KCNQ3: variants seen among roughly 807,000 people sequenced by gnomAD.
KCNQ3 encodes the protein potassium voltage-gated channel subfamily KQT member 3.
In KCNQ3, 30 loss-of-function variants were observed where a neutral mutation model predicts 92.5. The observed-to-expected ratio is 0.32, with a 90% confidence interval of 0.24 to 0.44. The LOEUF (loss-of-function observed/expected upper bound fraction) is 0.44, where lower values mean the gene tolerates loss of function less well. KCNQ3 is among the 20% of genes least tolerant of loss of function. The pLI is 1.00. For synonymous variants in KCNQ3, 450 were observed against 468.8 expected (o/e 0.96, Z 0.52); for missense variants, 913 against 1,140.3 (o/e 0.80, Z 2.87).
chr8:132,145,077 C>T (rs1825412721), intron 9 of KCNQ3, among the ~76,000 whole-genome samples: 1 of 152,194 alleles, frequency 6.6e-6, no homozygotes, highest in South Asian at 2.1e-4. Context: ...TAATGGGGAG[C>T]ACTATTGCCA....
intron 1 of KCNQ3, among the ~76,000 whole-genome samples, chr8:132,400,075 G>C (rs1016380677): frequency 1.3e-5 from 2 of 152,204 alleles, no homozygotes; most frequent in Non-Finnish European, 2.9e-5. Flanking sequence ...AAGACACCTA[G>C]GCAGACCTGA....
chr8:132,340,267 G>C (rs1033135761), intron 1 of KCNQ3, among the ~76,000 whole-genome samples: 3 of 152,150 alleles, frequency 2.0e-5, no homozygotes, highest in Non-Finnish European at 4.4e-5. Context: ...CTGGTTGTAT[G>C]CCCAAAGGAT....
chr8:132,184,479 G>A, intron 2 of KCNQ3, 112 bp from the exon 3 acceptor site: 1 of 1,160,392 alleles, frequency 8.6e-7, no homozygotes, highest in Admixed American at 1.8e-5. Flanking sequence ...GTTGCTGGTT[G>A]TCTGGTTGGC....
intron 1 of KCNQ3, among the ~76,000 whole-genome samples, chr8:132,422,808 G>A (rs905469392): frequency 3.9e-5 from 6 of 152,198 alleles, no homozygotes; most frequent in African/African-American, 1.4e-4. Context: ...AGGAAATGAT[G>A]GATCCGTAAG....
chr8:132,325,808 C>A (rs748979714), intron 1 of KCNQ3, among the ~76,000 whole-genome samples: 4 of 152,216 alleles, frequency 2.6e-5, no homozygotes, highest in Non-Finnish European at 5.9e-5. Flanking sequence ...CATCCAGCTT[C>A]TGCTCCAAGC....
At chr8:132,259,232 A>C (rs1039781961) in intron 1 of KCNQ3, among the ~76,000 whole-genome samples, 2 of 152,122 alleles carry the variant, frequency 1.3e-5, no homozygotes, top group Non-Finnish European at 2.9e-5. Context: ...TCCATTATGA[A>C]TATAGATACA....
chr8:132,431,000 A>G (rs1313151321), intron 1 of KCNQ3, among the ~76,000 whole-genome samples: 3 of 152,124 alleles, frequency 2.0e-5, no homozygotes, highest in Admixed American at 2.0e-4. Context: ...TCCCAAGAAT[A>G]CGCTGGACAA....
intron 9 of KCNQ3, among the ~76,000 whole-genome samples, chr8:132,154,490 G>GGGA (rs1423231135): frequency 6.6e-6 from 1 of 152,098 alleles, no homozygotes; most frequent in Non-Finnish European, 1.5e-5. Context: ...ACAGGAAGCA[G>GGGA]TTAAGATCTG....
At chr8:132,370,379 G>T (rs1348031831) in intron 1 of KCNQ3, among the ~76,000 whole-genome samples, 1 of 152,232 alleles carries the variant, frequency 6.6e-6, no homozygotes, top group Non-Finnish European at 1.5e-5. Context: ...GCAGGAACAG[G>T]TATGATTAAG....
In KCNQ3 at chr8:132,121,606, G is replaced by T. The variant is rs1160164443; in HGVS notation, c.*7656C>A. The T allele has an allele frequency of 6.6e-6, 1 of 152,112 alleles. No individual in the cohort carries two copies. The highest frequency in any genetic ancestry group is 2.4e-5 in the African/African-American group (1 of 41,426). The allele number at this position is 152,112 out of a possible 1,614,324, so 9.4% of individuals were successfully genotyped here. A position where few individuals can be genotyped will look rare whatever the true frequency, so the allele number is the denominator to read the frequency against. ...CAGGTTGGCTTCCATGGGAAACCTTGATCTTTTAATACTGAGAAAGAGAGA... is the reference window on the plus strand; with the variant it reads ...CAGGTTGGCTTCCATGGGAAACCTTTATCTTTTAATACTGAGAAAGAGAGA... On this transcript the variant is annotated 3_prime_UTR_variant, in exon 15 of 15. Coordinates refer to ENST00000388996, the MANE Select transcript of KCNQ3 (RefSeq NM_004519.4).
intron 5 of KCNQ3, 64 bp downstream of exon 5, chr8:132,175,389 C>T (rs929288953): frequency 3.2e-6 from 5 of 1,569,846 alleles, no homozygotes; most frequent in Non-Finnish European, 4.4e-6. Context: ...ATGTGATGCC[C>T]TCCACCTCTC....
intron 9 of KCNQ3, among the ~76,000 whole-genome samples, chr8:132,160,594 TTATTA>T (rs756179297): frequency 1.6e-4 from 24 of 151,762 alleles, no homozygotes; most frequent in Non-Finnish European, 2.8e-4. Context: ...AATAAGAACC[TTATTA>T]TATTTGTATA....
chr8:132,408,248 G>A (rs1032486485), intron 1 of KCNQ3, among the ~76,000 whole-genome samples: 7 of 152,124 alleles, frequency 4.6e-5, no homozygotes, highest in African/African-American at 1.7e-4. Flanking sequence ...ATATTCCATG[G>A]AGATACTTTC....
At chr8:132,398,927 G>GT (rs1563895385) in intron 1 of KCNQ3, among the ~76,000 whole-genome samples, 11 of 152,196 alleles carry the variant, frequency 7.2e-5, no homozygotes, top group Admixed American at 2.6e-4. Context: ...AGGCTGCAGT[G>GT]GTGAGCCCAG....
At chr8:132,425,383 TAAGCCTCA>T (rs2130816675) in intron 1 of KCNQ3, among the ~76,000 whole-genome samples, 1 of 152,368 alleles carries the variant, frequency 6.6e-6, no homozygotes, top group East Asian at 1.9e-4. Flanking sequence ...GTAAATTCTC[TAAGCCTCA>T]ATTTCCTCAC....
chr8:132,427,533 C>T (rs904772874), intron 1 of KCNQ3, among the ~76,000 whole-genome samples: 11 of 152,248 alleles, frequency 7.2e-5, no homozygotes, highest in Admixed American at 5.2e-4. Flanking sequence ...GGTCTGACCC[C>T]AAAGAAAGTC....
At chr8:132,280,067 G>T (rs1472704504) in intron 1 of KCNQ3, among the ~76,000 whole-genome samples, 3 of 152,158 alleles carry the variant, frequency 2.0e-5, no homozygotes, top group African/African-American at 7.2e-5. Context: ...CAATGAACAA[G>T]AAAAATCAAG....
intron 1 of KCNQ3, among the ~76,000 whole-genome samples, chr8:132,277,075 A>T (rs7840539): frequency 0.29 from 43,133 of 149,436 alleles, 7,211 homozygotes; most frequent in African/African-American, 0.47. Context: ...AATAATTTTT[A>T]AAAAAAAAAA....
intron 1 of KCNQ3, among the ~76,000 whole-genome samples, chr8:132,420,512 C>A (rs1026919320): frequency 2.0e-5 from 3 of 152,170 alleles, no homozygotes; most frequent in African/African-American, 7.2e-5. Flanking sequence ...GACTTGATGT[C>A]TCCTCGGCTG....
Sources: allele counts gnomAD v4.1 joint callset (sites outside exome capture counted in the v4.1 genomes callset), GRCh38; gene constraint gnomAD v4.1.1; transcripts MANE v1.5; gene names NCBI Gene and HGNC (gene_info 2026-07-23, HGNC 2026-07-21).